SUPT3H: variants seen among roughly 807,000 people sequenced by gnomAD.
SUPT3H encodes the protein transcription initiation protein SPT3 homolog.
In SUPT3H, 44 loss-of-function variants were observed where a neutral mutation model predicts 44.3. The observed-to-expected ratio is 0.99, with a 90% confidence interval of 0.78 to 1.28. The LOEUF is 1.28. Ranked by LOEUF, SUPT3H falls within the 50% of genes most tolerant of loss-of-function variation. SUPT3H has a pLI of 0.00. For synonymous variants in SUPT3H, 124 were observed against 125.6 expected (o/e 0.99, Z 0.09); for missense variants, 380 against 387.1 (o/e 0.98, Z 0.15).
intron 2 of SUPT3H, among the ~76,000 whole-genome samples, chr6:45,145,052 T>C (rs779009079): frequency 6.6e-6 from 1 of 152,154 alleles, no homozygotes; most frequent in Admixed American, 6.6e-5. Context: ...CCCATGCTCA[T>C]GGATGGGGAG....
intron 10 of SUPT3H, among the ~76,000 whole-genome samples, chr6:44,846,175 C>T (rs2153418532): frequency 6.6e-6 from 1 of 152,306 alleles, no homozygotes; most frequent in South Asian, 2.1e-4. Context: ...GAATTTTTCC[C>T]ATTTCAGTAC....
chr6:45,025,853 C>T (rs747990041), intron 3 of SUPT3H, among the ~76,000 whole-genome samples: 2 of 147,068 alleles, frequency 1.4e-5, no homozygotes, highest in African/African-American at 5.1e-5. Flanking sequence ...ACTGCACTCT[C>T]GCCTGGATGA....
chr6:44,884,711 T>C (rs1778845523), intron 10 of SUPT3H, among the ~76,000 whole-genome samples: 1 of 152,076 alleles, frequency 6.6e-6, no homozygotes, highest in Admixed American at 6.6e-5. Flanking sequence ...GATTTCTGCA[T>C]TTCTATCTGA....
At chr6:44,992,887 G>C (rs1160396650) in intron 6 of SUPT3H, among the ~76,000 whole-genome samples, 2 of 152,118 alleles carry the variant, frequency 1.3e-5, no homozygotes, top group Non-Finnish European at 2.9e-5. Flanking sequence ...AACAGTGCCA[G>C]GCTTGGTGCC....
intron 3 of SUPT3H, among the ~76,000 whole-genome samples, chr6:45,091,881 C>T (rs115055064): frequency 0.019 from 2,945 of 151,728 alleles, 56 homozygotes; most frequent in South Asian, 0.085. Flanking sequence ...AATTTTTGGT[C>T]ATTTTACATA....
chr6:45,357,414 G>C (rs6933449), intron 2 of SUPT3H, among the ~76,000 whole-genome samples: 62,955 of 151,772 alleles, frequency 0.41, 13,880 homozygotes, highest in Non-Finnish European at 0.5. Flanking sequence ...CACTGCAGCC[G>C]TAACCTCCTA....
At chr6:44,994,252 C>T (rs1216709115) in intron 6 of SUPT3H, among the ~76,000 whole-genome samples, 1 of 151,928 alleles carries the variant, frequency 6.6e-6, no homozygotes, top group Non-Finnish European at 1.5e-5. Flanking sequence ...CTTAAAAAAT[C>T]TCAATAAATA....
chr6:45,004,456 TATATAC>T (rs1430711880), intron 5 of SUPT3H, among the ~76,000 whole-genome samples: 1 of 152,006 alleles, frequency 6.6e-6, no homozygotes, highest in Non-Finnish European at 1.5e-5. Context: ...CATTAACAAC[TATATAC>T]ATATAAGAAT....
rs888043077 is a variant in SUPT3H at position 45,377,655 on chromosome 6, G to A, written c.-1+113C>T. On this transcript the variant is annotated intron_variant, in intron 1 of 10. Coordinates refer to ENST00000371459, the MANE Select transcript of SUPT3H (RefSeq NM_003599.4). ...CAGCCGCCCTCGAGCCGGGGCCAGG[G>A]CGTGGCCGGCGCGGGGGCCCAGCGA... The A allele has an allele frequency of 9.1e-4, 138 of 152,342 alleles. 1 individual carries two copies. The highest frequency in any genetic ancestry group is 8.6e-3 in the Admixed American group (132 of 15,298). The allele number at this position is 152,342 out of a possible 1,614,324, so 9.4% of individuals were successfully genotyped here.
At chr6:45,371,247 T>C (rs977257146) in intron 1 of SUPT3H, among the ~76,000 whole-genome samples, 5 of 152,164 alleles carry the variant, frequency 3.3e-5, no homozygotes, top group Non-Finnish European at 7.3e-5. Context: ...GAATTCTGCA[T>C]TAAACATAAA....
chr6:44,946,501 G>A (rs1438262640), intron 9 of SUPT3H, among the ~76,000 whole-genome samples: 4 of 152,150 alleles, frequency 2.6e-5, no homozygotes, highest in Non-Finnish European at 5.9e-5. Context: ...CAGGAGTTTG[G>A]AAGAAGCTGA....
intron 2 of SUPT3H, among the ~76,000 whole-genome samples, chr6:45,109,842 T>C (rs921677267): frequency 2.0e-4 from 30 of 152,206 alleles, no homozygotes; most frequent in Non-Finnish European, 3.4e-4. Flanking sequence ...TTGATTTTTT[T>C]CCCCTTTGAA....
At chr6:45,369,448 T>C (rs1449741321) in intron 1 of SUPT3H, among the ~76,000 whole-genome samples, 1 of 152,192 alleles carries the variant, frequency 6.6e-6, no homozygotes, top group Non-Finnish European at 1.5e-5. Context: ...ATACTAATTA[T>C]TTTTGTTGAA....
intron 10 of SUPT3H, 39 bp downstream of exon 10, chr6:44,932,614 A>G (rs1770761600): frequency 7.1e-7 from 1 of 1,403,688 alleles, no homozygotes; most frequent in Non-Finnish European, 9.7e-7. Flanking sequence ...ATTCTTTCAT[A>G]TTATAAATAT....
intron 2 of SUPT3H, among the ~76,000 whole-genome samples, chr6:45,122,399 T>A (rs546148383): frequency 6.6e-6 from 1 of 152,292 alleles, no homozygotes; most frequent in South Asian, 2.1e-4. Context: ...TAATACACTT[T>A]CTCAAAAACT....
intron 10 of SUPT3H, among the ~76,000 whole-genome samples, chr6:44,868,597 A>G (rs1235461955): frequency 1.3e-5 from 2 of 152,112 alleles, no homozygotes; most frequent in Admixed American, 6.5e-5. Context: ...CTGCTCCACC[A>G]TTCCCTCTAA....
At chr6:45,190,454 G>GT (rs1343766085) in intron 2 of SUPT3H, among the ~76,000 whole-genome samples, 1 of 151,760 alleles carries the variant, frequency 6.6e-6, no homozygotes, top group Non-Finnish European at 1.5e-5. Flanking sequence ...TTTTCCATAT[G>GT]TAAACTCTGT....
chr6:45,296,126 T>G (rs1254602164), intron 2 of SUPT3H, among the ~76,000 whole-genome samples: 2 of 151,822 alleles, frequency 1.3e-5, no homozygotes, highest in Non-Finnish European at 2.9e-5. Context: ...TATATAAGTA[T>G]ATATACACAC....
chr6:45,009,775 G>C (rs1462104594), intron 5 of SUPT3H, among the ~76,000 whole-genome samples: 1 of 152,088 alleles, frequency 6.6e-6, no homozygotes, highest in Non-Finnish European at 1.5e-5. Context: ...TGTTAAGATT[G>C]TTCTAGGTAT....
Sources: allele counts gnomAD v4.1 joint callset (sites outside exome capture counted in the v4.1 genomes callset), GRCh38; gene constraint gnomAD v4.1.1; transcripts MANE v1.5; gene names NCBI Gene and HGNC (gene_info 2026-07-23, HGNC 2026-07-21).